SAMD4A: variants seen among roughly 807,000 people sequenced by gnomAD.
The protein encoded by SAMD4A is protein Smaug homolog 1.
In SAMD4A, 33 loss-of-function variants were observed where a neutral mutation model predicts 81.3. The ratio of observed to expected loss-of-function variants is 0.41; its 90% confidence interval spans 0.31 to 0.54. The LOEUF (loss-of-function observed/expected upper bound fraction) is 0.54, where lower values mean the gene tolerates loss of function less well. SAMD4A is among the 20% of genes least tolerant of loss of function. The probability of loss-of-function intolerance (pLI) is 0.37; values close to 1 mark genes in which losing one functional copy is unlikely to be tolerated. For synonymous variants in SAMD4A, 389 were observed against 382.1 expected (o/e 1.02, Z -0.21); for missense variants, 854 against 951.1 (o/e 0.90, Z 1.34).
At chr14:54,667,688 T>C (rs975583773) in intron 2 of SAMD4A, among the ~76,000 whole-genome samples, 10 of 152,252 alleles carry the variant, frequency 6.6e-5, no homozygotes, top group African/African-American at 2.2e-4. Flanking sequence ...CTTGCTGTCA[T>C]GTGCAATTTG....
intron 8 of SAMD4A, among the ~76,000 whole-genome samples, chr14:54,768,427 A>T (rs2038612688): frequency 6.6e-6 from 1 of 152,126 alleles, no homozygotes; most frequent in Non-Finnish European, 1.5e-5. Flanking sequence ...GGAGGCACTG[A>T]GTCTTGGGTA....
At chr14:54,681,661 G>A (rs2036131898) in intron 2 of SAMD4A, 2 of 297,768 alleles carry the variant, frequency 6.7e-6, no homozygotes, top group Non-Finnish European at 1.0e-5. Context: ...CAAACTCCTG[G>A]GTTTAAGTGA....
At chr14:54,639,075 A>G (rs372273847) in intron 2 of SAMD4A, among the ~76,000 whole-genome samples, 60 of 152,326 alleles carry the variant, frequency 3.9e-4, no homozygotes, top group Middle Eastern at 3.4e-3. Context: ...GGTTTAGCAG[A>G]TCCATGGACC....
At chr14:54,739,773 A>G (rs1428047568) in intron 4 of SAMD4A, among the ~76,000 whole-genome samples, 6 of 152,158 alleles carry the variant, frequency 3.9e-5, no homozygotes, top group Non-Finnish European at 7.4e-5. Flanking sequence ...CTATGAGTGC[A>G]CCCAAGGAGC....
At chr14:54,694,934 G>A in intron 2 of SAMD4A, 1 of 985,278 alleles carries the variant, frequency 1.0e-6, no homozygotes, top group Non-Finnish European at 1.2e-6. Flanking sequence ...AAGGTAAAGG[G>A]CTCATTGGAA....
intron 2 of SAMD4A, among the ~76,000 whole-genome samples, chr14:54,597,306 C>T (rs1353058987): frequency 6.6e-6 from 1 of 151,130 alleles, no homozygotes; most frequent in Non-Finnish European, 1.5e-5. Context: ...TGGAGTTTTG[C>T]TCTTATTGCC....
At chr14:54,724,024 G>GGAAGGAAGGAA (rs2037344824) in intron 3 of SAMD4A, among the ~76,000 whole-genome samples, 1 of 97,176 alleles carries the variant, frequency 1.0e-5, no homozygotes, top group East Asian at 4.1e-4. Context: ...AAGGAAGGAA[G>GGAAGGAAGGAA]GAAGGAAGGA....
chr14:54,582,562 G>A (rs954690604), intron 2 of SAMD4A, among the ~76,000 whole-genome samples: 10 of 152,118 alleles, frequency 6.6e-5, no homozygotes, highest in African/African-American at 1.4e-4. Context: ...GTGAGGTGAC[G>A]GCATGCCCTA....
At chr14:54,577,072 A>G (rs2033319848) in intron 2 of SAMD4A, among the ~76,000 whole-genome samples, 2 of 152,218 alleles carry the variant, frequency 1.3e-5, no homozygotes, top group Non-Finnish European at 2.9e-5. Context: ...TGCATTATCA[A>G]GCTGGTCACT....
chr14:54,624,529 A>C (rs990229268), intron 2 of SAMD4A, among the ~76,000 whole-genome samples: 2 of 152,240 alleles, frequency 1.3e-5, no homozygotes, highest in African/African-American at 4.8e-5. Flanking sequence ...TTCAGCAACA[A>C]CCAATTTAAC....
At chr14:54,745,062 CT>C (rs1372300545) in intron 4 of SAMD4A, among the ~76,000 whole-genome samples, 1 of 152,240 alleles carries the variant, frequency 6.6e-6, no homozygotes, top group Non-Finnish European at 1.5e-5. Context: ...TCCATCCTTT[CT>C]TTCTCCCCTG....
intron 3 of SAMD4A, among the ~76,000 whole-genome samples, chr14:54,722,700 A>G (rs1354047556): frequency 2.0e-5 from 3 of 152,174 alleles, no homozygotes; most frequent in African/African-American, 7.2e-5. Flanking sequence ...GATGATATTC[A>G]TCTAATCATG....
chr14:54,572,847 T>G (rs1004153187), intron 2 of SAMD4A, among the ~76,000 whole-genome samples: 2 of 152,228 alleles, frequency 1.3e-5, no homozygotes, highest in African/African-American at 4.8e-5. Flanking sequence ...ATATGAATAA[T>G]ATTTTTCTAA....
chr14:54,628,455 A>G (rs1295229473), intron 2 of SAMD4A, among the ~76,000 whole-genome samples: 2 of 152,152 alleles, frequency 1.3e-5, no homozygotes, highest in African/African-American at 4.8e-5. Flanking sequence ...ATCAGATGAA[A>G]TTGCTGATGC....
In SAMD4A at chr14:54,760,344, G is replaced by C. The variant is rs1307752601; in HGVS notation, c.1360G>C (p.Ala454Pro). The change falls in exon 7 of 13, where the codon GCC (alanine) becomes CCC (proline). Residue 454 changes from alanine (A) to proline (P), a missense_variant. This residue lies in a region of SAMD4A where 428 missense variants were observed against 471.2 expected (regional missense o/e 0.91). Transcript: ENST00000554335. ...ESQSPDCKDG[A>P]AATGATATPS... ...CCAGAGCCCCGACTGCAAAGATGGGGCCGCAGCCACTGGCGCCACGGCCAC... is the reference window on the plus strand; with the variant it reads ...CCAGAGCCCCGACTGCAAAGATGGGCCCGCAGCCACTGGCGCCACGGCCAC... 3.1e-6 allele frequency: 5 copies of C among 1,591,938 alleles called. No individual in the cohort carries two copies. The highest frequency in any genetic ancestry group is 4.3e-6 in the Non-Finnish European group (5 of 1,173,822).
At chr14:54,692,042 T>C (rs1197240975) in intron 2 of SAMD4A, among the ~76,000 whole-genome samples, 1 of 152,228 alleles carries the variant, frequency 6.6e-6, no homozygotes, top group Non-Finnish European at 1.5e-5. Flanking sequence ...TTGGTGACAA[T>C]ATTTACATGG....
chr14:54,744,533 C>G (rs1447915584), intron 4 of SAMD4A, among the ~76,000 whole-genome samples: 2 of 152,198 alleles, frequency 1.3e-5, no homozygotes, highest in Non-Finnish European at 2.9e-5. Context: ...GCACTATTAT[C>G]AAGAATGACC....
intron 2 of SAMD4A, among the ~76,000 whole-genome samples, chr14:54,682,291 T>C (rs889672588): frequency 6.6e-6 from 1 of 152,226 alleles, no homozygotes; most frequent in African/African-American, 2.4e-5. Flanking sequence ...CTGTCTCTTC[T>C]GTTTGATTCC....
At chr14:54,776,311 A>T in intron 10 of SAMD4A, 103 bp from the exon 11 acceptor site, 1 of 1,248,024 alleles carries the variant, frequency 8.0e-7, no homozygotes, top group Non-Finnish European at 1.1e-6. Context: ...TCTAGAAGTT[A>T]GAGTTCTCCT....
Sources: gnomAD v4.1 joint callset for allele counts (sites outside exome capture counted in the v4.1 genomes callset) on GRCh38, gnomAD v4.1.1 for gene constraint, gnomAD v4.1.1 regional missense constraint, MANE v1.5 for transcripts, NCBI Gene and HGNC (gene_info 2026-07-23, HGNC 2026-07-21) for gene names.